The following RORA variants were observed in gnomAD, a reference collection of about 807,000 sequenced individuals.
RORA encodes nuclear receptor ROR-alpha.
RORA carries 7 observed loss-of-function variants against 69.5 expected under a neutral mutation model. The observed-to-expected ratio is 0.10, with a 90% CI of 0.06 to 0.19. The LOEUF is 0.19. Ranked by LOEUF, RORA falls within the 10% of genes least tolerant of loss-of-function variation. RORA has a pLI of 1.00. For synonymous variants in RORA, 261 were observed against 240.8 expected (o/e 1.08, Z -0.78); for missense variants, 457 against 663.0 (o/e 0.69, Z 3.41).
At chr15:61,106,280 T>C (rs1385173596) in intron 1 of RORA, among the ~76,000 whole-genome samples, 1 of 152,208 alleles carries the variant, frequency 6.6e-6, no homozygotes, top group African/African-American at 2.4e-5. Context: ...AAGGTATTAA[T>C]AGTATAGCCA....
At chr15:61,078,372 T>TGTGTGTGTGTGTGTG (rs1595957343) in intron 1 of RORA, among the ~76,000 whole-genome samples, 2 of 146,952 alleles carry the variant, frequency 1.4e-5, no homozygotes, top group South Asian at 2.2e-4. Context: ...TGTGTGTGTG[T>TGTGTGTGTGTGTGTG]AGTTTTAGTA....
At chr15:60,614,174 C>T (rs1015617450) in intron 2 of RORA, among the ~76,000 whole-genome samples, 3 of 152,036 alleles carry the variant, frequency 2.0e-5, no homozygotes, top group East Asian at 3.9e-4. Context: ...TTTAGGCTGA[C>T]AGGCTACAAT....
chr15:60,811,311 T>C (rs2072739978), intron 1 of RORA, among the ~76,000 whole-genome samples: 3 of 152,236 alleles, frequency 2.0e-5, no homozygotes, highest in African/African-American at 7.2e-5. Context: ...TAAACCTGCA[T>C]GGCACTGGGT....
chr15:60,698,341 T>C (rs530423208), intron 1 of RORA, among the ~76,000 whole-genome samples: 1 of 152,280 alleles, frequency 6.6e-6, no homozygotes, highest in Admixed American at 6.5e-5. Flanking sequence ...ATAAAATAAA[T>C]TACTGGGCCG....
intron 2 of RORA, among the ~76,000 whole-genome samples, chr15:60,638,626 G>A (rs183621946): frequency 2.6e-4 from 39 of 152,158 alleles, no homozygotes; most frequent in African/African-American, 7.0e-4. Context: ...CTTTTCCTCC[G>A]AATAAGATTT....
chr15:60,622,571 G>A (rs974297662), intron 2 of RORA, among the ~76,000 whole-genome samples: 2 of 152,084 alleles, frequency 1.3e-5, no homozygotes, highest in Non-Finnish European at 2.9e-5. Context: ...GGAGGTTTCA[G>A]GGAGACAAGA....
chr15:60,665,264 A>G (rs2070363075), intron 2 of RORA, among the ~76,000 whole-genome samples: 1 of 152,218 alleles, frequency 6.6e-6, no homozygotes, highest in African/African-American at 2.4e-5. Flanking sequence ...TACACCCTTC[A>G]TTCTTGGAAA....
chr15:60,533,153 C>G (rs4479168), intron 2 of RORA, among the ~76,000 whole-genome samples: 3 of 152,330 alleles, frequency 2.0e-5, no homozygotes, highest in East Asian at 3.9e-4. Context: ...ATGTGTACTG[C>G]TAACTCCCTT....
At chr15:60,828,777 A>T (rs1416728651) in intron 1 of RORA, among the ~76,000 whole-genome samples, 2 of 152,106 alleles carry the variant, frequency 1.3e-5, no homozygotes, top group Non-Finnish European at 2.9e-5. Flanking sequence ...CCTGATTCCC[A>T]TTGATTTTGA....
intron 1 of RORA, among the ~76,000 whole-genome samples, chr15:61,103,085 T>C (rs1227014650): frequency 6.6e-6 from 1 of 152,250 alleles, no homozygotes; most frequent in Non-Finnish European, 1.5e-5. Flanking sequence ...CCGTATTCCC[T>C]AACTCCTTTC....
At chr15:61,164,928 G>C (rs887216946) in intron 1 of RORA, among the ~76,000 whole-genome samples, 7 of 152,138 alleles carry the variant, frequency 4.6e-5, no homozygotes, top group African/African-American at 1.4e-4. Context: ...GCTGTTGACA[G>C]CACAGCAGAG....
At chr15:60,988,547 C>A (rs1894279592) in intron 1 of RORA, among the ~76,000 whole-genome samples, 1 of 152,196 alleles carries the variant, frequency 6.6e-6, no homozygotes, top group Non-Finnish European at 1.5e-5. Flanking sequence ...AAAACACTTG[C>A]CCCGCTGACA....
intron 1 of RORA, among the ~76,000 whole-genome samples, chr15:61,121,939 G>C (rs2079108519): frequency 6.6e-6 from 1 of 151,898 alleles, no homozygotes; most frequent in South Asian, 2.1e-4. Flanking sequence ...AAAAGTGATA[G>C]TAGAATAATG....
intron 1 of RORA, among the ~76,000 whole-genome samples, chr15:61,191,950 G>A (rs918527950): frequency 2.0e-5 from 3 of 152,254 alleles, no homozygotes; most frequent in African/African-American, 4.8e-5. Context: ...TGCCTAGAAT[G>A]AAGATACAAC....
intron 1 of RORA, among the ~76,000 whole-genome samples, chr15:60,956,158 C>T: frequency 6.6e-6 from 1 of 152,062 alleles, no homozygotes; most frequent in Non-Finnish European, 1.5e-5. Flanking sequence ...AATTATTTCT[C>T]TTATTTTGAT....
chr15:60,516,784 T>TATC (rs985136857), intron 3 of RORA, among the ~76,000 whole-genome samples: 8 of 152,164 alleles, frequency 5.3e-5, no homozygotes, highest in African/African-American at 1.9e-4. Context: ...TTCACAGTAC[T>TATC]ATCTATAATA....
chr15:60,905,292 G>A lies in RORA; in HGVS notation c.167-226606C>T, dbSNP rs2140472655. On this transcript the variant is annotated intron_variant, in intron 1 of 10. Transcript: ENST00000335670. This position sits in a 1 kb window ranked among gnomAD's most constrained non-coding sequence, Gnocchi z 4.8. ...GTAAATTCACTGTTTTTTCTCCAGAGCAGCCAGAGGTTCCTTAATTTGCAT... is the reference window on the plus strand; with the variant it reads ...GTAAATTCACTGTTTTTTCTCCAGAACAGCCAGAGGTTCCTTAATTTGCAT... 6.6e-6 allele frequency among the ~76,000 whole-genome samples: 1 copy of A among 152,328 alleles called. No individual in the cohort carries two copies. The highest frequency in any genetic ancestry group is 2.1e-4 in the South Asian group (1 of 4,828).
At chr15:60,919,775 G>A (rs1452531143) in intron 1 of RORA, among the ~76,000 whole-genome samples, 2 of 151,930 alleles carry the variant, frequency 1.3e-5, no homozygotes, top group East Asian at 1.9e-4. Context: ...TTTTCATTAC[G>A]GTTTTCTTTT....
intron 2 of RORA, among the ~76,000 whole-genome samples, chr15:60,595,614 A>G (rs1472719871): frequency 6.6e-6 from 1 of 152,122 alleles, no homozygotes; most frequent in Non-Finnish European, 1.5e-5. Flanking sequence ...ATAAATGCTT[A>G]TGAGTACCGA....
Sources: allele counts gnomAD v4.1 joint callset (sites outside exome capture counted in the v4.1 genomes callset), GRCh38; gene constraint gnomAD v4.1.1; non-coding constraint Gnocchi (gnomAD v3.1); transcripts MANE v1.5; gene names NCBI Gene and HGNC (gene_info 2026-07-23, HGNC 2026-07-21).